Variants in MAST2 observed in about 807,000 individuals in gnomAD.
MAST2 encodes the protein microtubule associated serine/threonine kinase 2, also known as microtubule-associated serine/threonine-protein kinase 2.
A neutral mutation model predicts 147.4 loss-of-function variants in MAST2; 70 were observed. The observed-to-expected ratio is 0.47, with a 90% CI of 0.39 to 0.58. MAST2 has a LOEUF of 0.58. Among genes scored for constraint, MAST2 ranks in the 20% least tolerant of loss-of-function variants. The pLI is 0.00. For synonymous variants in MAST2, 869 were observed against 896.8 expected (o/e 0.97, Z 0.55); for missense variants, 2,080 against 2,302.3 (o/e 0.90, Z 1.98).
chr1:45,835,895 A>G (rs562743997), intron 3 of MAST2, among the ~76,000 whole-genome samples: 2 of 152,312 alleles, frequency 1.3e-5, no homozygotes, highest in South Asian at 4.1e-4. Context: ...CACTTAGCCC[A>G]ATGCTTTCAA....
chr1:45,978,733 G>A (rs1644275872), intron 5 of MAST2, among the ~76,000 whole-genome samples: 1 of 152,018 alleles, frequency 6.6e-6, no homozygotes, highest in African/African-American at 2.4e-5. Flanking sequence ...GAACACAAAC[G>A]GACACATATT....
At chr1:45,957,866 A>G (rs1659863731) in intron 4 of MAST2, among the ~76,000 whole-genome samples, 1 of 152,210 alleles carries the variant, frequency 6.6e-6, no homozygotes, top group Non-Finnish European at 1.5e-5. Flanking sequence ...TCCCAGGTGC[A>G]GTTGCAAAAT....
Position 45,909,937 on chromosome 1 carries a change from C to G in MAST2, c.500+27542C>G, listed in dbSNP as rs1287752123. On this transcript the variant is annotated intron_variant, in intron 4 of 28. Transcript: ENST00000361297. ...AAGTGATTCTCCTGCCTCAGCCAGG[C>G]TGGTCTCGAGTTCCTGGGCTCAAGA... Among the ~76,000 whole-genome samples the G allele has an allele frequency of 2.6e-5, 4 of 152,044 alleles. No homozygotes were observed. The East Asian group carries it at 7.7e-4, about 29-fold the overall frequency.
intron 1 of MAST2, among the ~76,000 whole-genome samples, chr1:45,815,435 G>A (rs1644423415): frequency 6.6e-6 from 1 of 152,092 alleles, no homozygotes; most frequent in Non-Finnish European, 1.5e-5. Flanking sequence ...CTCCCTAAGT[G>A]CTGGGATTAC....
rs1173808810 is a variant in MAST2 at position 45,852,711 on chromosome 1, AC to A, written c.468+23132del. ...TATAAATGGAACCATATAGTATATA[AC>A]CTTTTGAGATTTTTTTCAGTAAGTA... is the stretch of plus-strand genomic sequence containing the variant. On this transcript the variant is annotated intron_variant, in intron 3 of 28. Coordinates refer to ENST00000361297, the MANE Select transcript of MAST2 (RefSeq NM_015112.3). Among the ~76,000 whole-genome samples the A allele has an allele frequency of 2.0e-5, 3 of 151,562 alleles. No individual in the cohort carries two copies. The East Asian group carries it at 5.8e-4, about 29-fold the overall frequency.
intron 4 of MAST2, among the ~76,000 whole-genome samples, chr1:45,930,352 T>A (rs960635416): frequency 6.6e-6 from 1 of 152,174 alleles, no homozygotes; most frequent in Admixed American, 6.5e-5. Flanking sequence ...GTGCTGGGAT[T>A]ACAGATGTGA....
intron 18 of MAST2, 113 bp downstream of exon 18, chr1:46,029,046 T>A: frequency 8.4e-7 from 1 of 1,195,816 alleles, no homozygotes; most frequent in Non-Finnish European, 1.2e-6. Flanking sequence ...ATCATGTGTG[T>A]TTGTGATGTC....
intron 4 of MAST2, among the ~76,000 whole-genome samples, chr1:45,936,519 T>G (rs1450898447): frequency 6.6e-6 from 1 of 152,208 alleles, no homozygotes; most frequent in Non-Finnish European, 1.5e-5. Context: ...CTTATTATTT[T>G]GAGGTATGTT....
intron 7 of MAST2, among the ~76,000 whole-genome samples, chr1:46,004,615 T>C (rs1034567901): frequency 6.6e-6 from 1 of 152,194 alleles, no homozygotes; most frequent in Non-Finnish European, 1.5e-5. Flanking sequence ...GGCCAAGAAA[T>C]AACCCTGTGG....
Position 46,008,316 on chromosome 1 carries a change from C to T in MAST2, c.923C>T (p.Ser308Phe), listed in dbSNP as rs1645572231. The T allele has an allele frequency of 6.2e-7, 1 of 1,611,750 alleles. No homozygotes were observed. The highest frequency in any genetic ancestry group is 8.5e-7 in the Non-Finnish European group (1 of 1,178,044). The change falls in exon 9 of 29, where the codon TCC (serine) becomes TTC (phenylalanine). Residue 308 changes from serine (S) to phenylalanine (F), a missense_variant. Coordinates refer to ENST00000361297, the MANE Select transcript of MAST2 (RefSeq NM_015112.3). Reference sequence around the variant, plus strand: ...TTTAGTCCCGGACGATCCCCAGTATCCTTTGACAGTGAAATAATAATGATG... The same window carrying T: ...TTTAGTCCCGGACGATCCCCAGTATTCTTTGACAGTGAAATAATAATGATG... The part of the protein sequence containing the change: ...RSLSPGRSPV[S>F]FDSEIIMMNH...
At chr1:45,961,760 A>G (rs1044153416) in intron 5 of MAST2, among the ~76,000 whole-genome samples, 12 of 150,630 alleles carry the variant, frequency 8.0e-5, no homozygotes, top group African/African-American at 3.0e-4. Flanking sequence ...TATATCCTCA[A>G]ATCTTTTTTT....
At chr1:45,903,077 T>C (rs1276392894) in intron 4 of MAST2, among the ~76,000 whole-genome samples, 3 of 151,556 alleles carry the variant, frequency 2.0e-5, no homozygotes, top group Non-Finnish European at 4.4e-5. Flanking sequence ...AGGTTGTTAA[T>C]TGAGATCTTT....
At chr1:46,026,025 C>T (rs1646394881) in intron 16 of MAST2, among the ~76,000 whole-genome samples, 1 of 152,110 alleles carries the variant, frequency 6.6e-6, no homozygotes, top group Non-Finnish European at 1.5e-5. Flanking sequence ...TATAAGGCTT[C>T]GGTGACATGG....
At chr1:45,968,297 A>AGGG (rs1557980080) in intron 5 of MAST2, among the ~76,000 whole-genome samples, 16 of 152,314 alleles carry the variant, frequency 1.1e-4, no homozygotes, top group Non-Finnish European at 1.2e-4. Context: ...TGTTTCATGT[A>AGGG]GAGTTCACTT....
At chr1:45,973,118 A>G (rs1643988116) in intron 5 of MAST2, among the ~76,000 whole-genome samples, 3 of 151,676 alleles carry the variant, frequency 2.0e-5, no homozygotes, top group Admixed American at 2.0e-4. Flanking sequence ...CTTGACTCCA[A>G]TTACTCTCTT....
At chr1:45,987,727 T>A (rs895842560) in intron 5 of MAST2, among the ~76,000 whole-genome samples, 1 of 147,294 alleles carries the variant, frequency 6.8e-6, no homozygotes, top group African/African-American at 2.5e-5. Context: ...TCCTCTTTTT[T>A]AAATTTCTTA....
chr1:45,826,529 T>G (rs561475995), intron 2 of MAST2, among the ~76,000 whole-genome samples: 1 of 152,078 alleles, frequency 6.6e-6, no homozygotes, highest in East Asian at 1.9e-4. Flanking sequence ...ATTTTTGTAT[T>G]TTTAGTAGAG....
At chr1:45,839,124 C>G (rs976809921) in intron 3 of MAST2, among the ~76,000 whole-genome samples, 6 of 87,696 alleles carry the variant, frequency 6.8e-5, no homozygotes, top group Non-Finnish European at 1.3e-4. Flanking sequence ...CAGGCACCAT[C>G]ACAAATTTTT....
chr1:45,922,106 A>C (rs1274535101), intron 4 of MAST2, among the ~76,000 whole-genome samples: 3 of 152,110 alleles, frequency 2.0e-5, no homozygotes, highest in African/African-American at 7.2e-5. Context: ...AGGTGGTCCC[A>C]TTATCTCCCT....
Sources: gnomAD v4.1 joint callset for allele counts (sites outside exome capture counted in the v4.1 genomes callset) on GRCh38, gnomAD v4.1.1 for gene constraint, MANE v1.5 for transcripts, NCBI Gene and HGNC (gene_info 2026-07-23, HGNC 2026-07-21) for gene names.